ADGRV1: variants seen among roughly 807,000 people sequenced by gnomAD.
The protein encoded by ADGRV1 is adhesion G protein-coupled receptor V1, also known as G-protein coupled receptor 98.
Under a neutral mutation model 596.2 loss-of-function variants are expected in ADGRV1, and 359 were observed. That is an observed-to-expected ratio of 0.60 (90% CI 0.55 to 0.66). The LOEUF is 0.66. Ranked by LOEUF, ADGRV1 falls within the 30% of genes least tolerant of loss-of-function variation. ADGRV1 has a pLI of 0.00. For synonymous variants in ADGRV1, 2,681 were observed against 2,679.2 expected (o/e 1.00, Z -0.02); for missense variants, 7,274 against 7,575.6 (o/e 0.96, Z 1.48).
intron 85 of ADGRV1, among the ~76,000 whole-genome samples, chr5:91,068,194 C>A (rs1026134653): frequency 2.0e-5 from 3 of 151,912 alleles, no homozygotes; most frequent in Non-Finnish European, 1.5e-5. Flanking sequence ...CAGTGGCTCA[C>A]GCCTATAAAC....
chr5:90,945,068 A>G (rs1776456473), intron 83 of ADGRV1, among the ~76,000 whole-genome samples: 1 of 152,178 alleles, frequency 6.6e-6, no homozygotes, highest in Admixed American at 6.6e-5. Context: ...ATTTTATCTT[A>G]CTAGAAATAT....
rs185283894 is a variant in ADGRV1, at chr5:91,086,982, C to T, written c.18310+14378C>T. ...TCTCGTTACTCACCTTCATGGGAACCTTTAACACCAGCCAAAAGGAACAAC... is the reference window on the plus strand; with the variant it reads ...TCTCGTTACTCACCTTCATGGGAACTTTTAACACCAGCCAAAAGGAACAAC... On this transcript the variant is annotated intron_variant, in intron 86 of 89. Transcript: ENST00000405460. 8.6e-4 allele frequency among the ~76,000 whole-genome samples: 131 copies of T among 152,246 alleles called. 2 individuals carry two copies. The highest frequency in any genetic ancestry group is 7.5e-3 in the South Asian group (36 of 4,828).
Position 90,684,169 on chromosome 5 carries a change from T to C in ADGRV1, c.6248T>C (p.Leu2083Ser), listed in dbSNP as rs1173328630. The stretch of plus-strand genomic sequence containing the variant: ...TTTATCGAACTACTCAACTCTACTT[T>C]AGTAGCGAAAGTACAGAGTCGTTCA... Reference protein sequence around the residue: ...SVFIELLNSTLVAKVQSRSIP... With the variant: ...SVFIELLNSTSVAKVQSRSIP... Residue 2083 changes from leucine (L) to serine (S), a missense_variant, in exon 28 of 90, where the codon TTA (leucine) becomes TCA (serine). By Grantham distance (145) the Leu-to-Ser change is moderately radical (BLOSUM62 -2). Around this residue, in one of 5 missense-constraint regions of ADGRV1, gnomAD observed 3,643 missense variants for 3,809.2 expected, o/e 0.96. Transcript: ENST00000405460. The C allele has an allele frequency of 1.9e-6, 3 of 1,612,914 alleles. No homozygotes were observed. The highest frequency in any genetic ancestry group is 2.2e-5 in the East Asian group (1 of 44,826).
chr5:90,588,366 A>G (rs562107490), intron 1 of ADGRV1, among the ~76,000 whole-genome samples: 2 of 152,372 alleles, frequency 1.3e-5, no homozygotes, highest in South Asian at 4.1e-4. Flanking sequence ...AGATTAAAAA[A>G]TCTTCACCTG....
intron 85 of ADGRV1, among the ~76,000 whole-genome samples, chr5:91,006,618 TAGATGTTCTC>T (rs1782300989): frequency 1.3e-5 from 2 of 152,186 alleles, no homozygotes; most frequent in Admixed American, 1.3e-4. Flanking sequence ...CCTATACTCA[TAGATGTTCTC>T]ACTGTTCATA....
intron 28 of ADGRV1, 43 bp from the exon 29 acceptor site, chr5:90,685,737 T>A: frequency 1.3e-6 from 2 of 1,487,720 alleles, no homozygotes; most frequent in East Asian, 4.6e-5. Context: ...TTCTTAGAAT[T>A]TTGATAGCTT....
intron 85 of ADGRV1, among the ~76,000 whole-genome samples, chr5:91,050,816 A>G (rs1786254675): frequency 6.6e-6 from 1 of 152,182 alleles, no homozygotes; most frequent in African/African-American, 2.4e-5. Context: ...ATGCAGTTGT[A>G]CTGCTGCATT....
At chr5:90,663,709 A>T (rs2149499139) in intron 21 of ADGRV1, among the ~76,000 whole-genome samples, 1 of 152,238 alleles carries the variant, frequency 6.6e-6, no homozygotes, top group East Asian at 1.9e-4. Flanking sequence ...CTGAATGGTA[A>T]TGCCTAGGTT....
intron 87 of ADGRV1, among the ~76,000 whole-genome samples, chr5:91,107,274 TG>T (rs1226137698): frequency 1.3e-5 from 2 of 152,210 alleles, no homozygotes. Flanking sequence ...GGAGATTTTT[TG>T]GTTTTGTTTT....
intron 75 of ADGRV1, among the ~76,000 whole-genome samples, chr5:90,822,878 T>A (rs1763709419): frequency 6.6e-6 from 1 of 152,164 alleles, no homozygotes; most frequent in African/African-American, 2.4e-5. Context: ...GGTATTTTAT[T>A]CTCTTTGAAG....
chr5:90,697,024 C>A lies in ADGRV1; in HGVS notation c.8033C>A (p.Thr2678Asn). 6.2e-7 allele frequency: 1 copy of A among 1,613,288 alleles called. No homozygotes were observed. Among genetic ancestry groups the A allele is most frequent in the Non-Finnish European group, 8.5e-7 (1 of 1,179,440 alleles). Residue 2678 changes from threonine (T) to asparagine (N), a missense_variant, in exon 34 of 90, where the codon ACT becomes AAT. By Grantham distance (65) the Thr-to-Asn change is moderately conservative. Coordinates refer to ENST00000405460, the MANE Select transcript of ADGRV1 (RefSeq NM_032119.4). The part of the protein sequence containing the change: ...DESIIVSLVY[T>N]EGGSRILPSS... Reference sequence around the variant, plus strand: ...AGTATCATAGTTAGTTTGGTGTACACTGAAGGTGGAAGTAGAATTTTGCCA... The same window carrying A: ...AGTATCATAGTTAGTTTGGTGTACAATGAAGGTGGAAGTAGAATTTTGCCA...
At chr5:91,107,356 G>A (rs1303803457) in intron 87 of ADGRV1, among the ~76,000 whole-genome samples, 3 of 152,204 alleles carry the variant, frequency 2.0e-5, no homozygotes, top group African/African-American at 7.2e-5. Context: ...CAAGATCATG[G>A]ACGAGGCAGG....
intron 86 of ADGRV1, among the ~76,000 whole-genome samples, chr5:91,077,521 T>G (rs1158357547): frequency 6.6e-6 from 1 of 152,186 alleles, no homozygotes; most frequent in Non-Finnish European, 1.5e-5. Context: ...CCCAAAGGAA[T>G]GGGGAGAACA....
At chr5:91,159,194 A>C (rs913135287) in intron 89 of ADGRV1, among the ~76,000 whole-genome samples, 4 of 152,220 alleles carry the variant, frequency 2.6e-5, no homozygotes, top group African/African-American at 9.7e-5. Context: ...ACCATGAGAA[A>C]GACTATATCT....
intron 83 of ADGRV1, among the ~76,000 whole-genome samples, chr5:90,872,595 C>T (rs919692027): frequency 8.5e-5 from 13 of 152,068 alleles, no homozygotes; most frequent in African/African-American, 2.9e-4. Context: ...CTGCTAAGGA[C>T]GATGATAAAC....
rs185887114 is a variant in ADGRV1 at position 90,676,178 on chromosome 5, T to G, written c.5412T>G (p.Phe1804Leu). The change falls in exon 25 of 90, where the codon TTT becomes TTG. Residue 1804 changes from phenylalanine to leucine, a missense_variant. Physicochemically the swap from Phe to Leu is conservative, Grantham distance 22 (BLOSUM62 0). This residue lies in a region of ADGRV1 where 3,643 missense variants were observed against 3,809.2 expected (regional missense o/e 0.96). Coordinates refer to ENST00000405460, the MANE Select transcript of ADGRV1 (RefSeq NM_032119.4). The stretch of plus-strand genomic sequence containing the variant: ...CTATTCCTGAACTGGAAAAATCTTT[T>G]AAAGTTGAGTTGTTAAACTTGGAAG... ...DNSIPELEKS[F>L]KVELLNLEGG... The G allele has an allele frequency of 3.1e-6, 5 of 1,606,556 alleles. No homozygotes were observed. The African/African-American group carries it at 5.4e-5, about 17-fold the overall frequency.
intron 70 of ADGRV1, among the ~76,000 whole-genome samples, chr5:90,801,608 C>T (rs756907179): frequency 2.6e-5 from 4 of 151,848 alleles, no homozygotes; most frequent in Non-Finnish European, 4.4e-5. Flanking sequence ...ACCTGTTACC[C>T]TCATGTTGCC....
At chr5:90,882,841 A>C (rs1207500608) in intron 83 of ADGRV1, among the ~76,000 whole-genome samples, 1 of 152,086 alleles carries the variant, frequency 6.6e-6, no homozygotes, top group Non-Finnish European at 1.5e-5. Context: ...TATTTTTAAC[A>C]TGAACGTAAT....
chr5:90,920,015 A>AAAAAAAAAT (rs1491328551), intron 83 of ADGRV1, among the ~76,000 whole-genome samples: 1 of 143,204 alleles, frequency 7.0e-6, no homozygotes, highest in African/African-American at 2.6e-5. Flanking sequence ...AAAAAAAAAA[A>AAAAAAAAAT]GAAAAATATT....
Sources: gnomAD v4.1 joint callset for allele counts (sites outside exome capture counted in the v4.1 genomes callset) on GRCh38, gnomAD v4.1.1 for gene constraint, gnomAD v4.1.1 regional missense constraint, MANE v1.5 for transcripts, NCBI Gene and HGNC (gene_info 2026-07-23, HGNC 2026-07-21) for gene names.